Variants in IGF1R observed in about 807,000 individuals in gnomAD.
The protein encoded by IGF1R is insulin like growth factor 1 receptor.
A neutral mutation model predicts 144.6 loss-of-function variants in IGF1R; 44 were observed. That is an observed-to-expected ratio of 0.30 (90% CI 0.24 to 0.39). IGF1R has a LOEUF of 0.39. IGF1R is among the 10% of genes least tolerant of loss of function. The probability of loss-of-function intolerance (pLI) is 1.00; values close to 1 mark genes in which losing one functional copy is unlikely to be tolerated. For missense variants in IGF1R, 1,355 were observed against 1,833.7 expected, an observed-to-expected ratio of 0.74 and a Z score of 4.77; for synonymous variants, 795 against 722.8, an observed-to-expected ratio of 1.10 and a Z score of -1.60.
At position 98,963,651 on chromosome 15, in the gene IGF1R, TCA is replaced by T. The variant is rs1363916886; in HGVS notation, c.*6212_*6213del. The T allele has an allele frequency of 4.3e-6, 1 of 233,170 alleles. No individual in the cohort carries two copies. Among genetic ancestry groups the T allele is most frequent in the African/African-American group, 2.2e-5 (1 of 45,344 alleles). The allele number at this position is 233,170 out of a possible 1,614,324, so 14.4% of individuals were successfully genotyped here. On this transcript the variant is annotated 3_prime_UTR_variant, in exon 21 of 21. Transcript: ENST00000650285. ...ATGATGATTACAGCATACACAGTGA[TCA>T]CATAAACGATGACAGCTATGGGGCA...
Position 98,959,596 on chromosome 15 carries a change from C to G in IGF1R, c.*2154C>G, listed in dbSNP as rs780360107. On this transcript the variant is annotated 3_prime_UTR_variant, in exon 21 of 21. Transcript: ENST00000650285. Reference sequence around the variant, plus strand: ...CAGGGCTGTGGTGCTGGCCCACTTTCCCTCGGCCAGGAATCCAGGTCCTTG... The same window carrying G: ...CAGGGCTGTGGTGCTGGCCCACTTTGCCTCGGCCAGGAATCCAGGTCCTTG... 4.3e-6 allele frequency: 1 copy of G among 233,586 alleles called. No individual in the cohort carries two copies. Among genetic ancestry groups the G allele is most frequent in the Non-Finnish European group, 8.5e-6 (1 of 117,972 alleles). The allele number at this position is 233,586 out of a possible 1,614,324, so 14.5% of individuals were successfully genotyped here. A position where few individuals can be genotyped will look rare whatever the true frequency, so the allele number is the denominator to read the frequency against.
intron 2 of IGF1R, among the ~76,000 whole-genome samples, chr15:98,818,083 C>T (rs552291616): frequency 3.0e-4 from 45 of 152,326 alleles, no homozygotes; most frequent in African/African-American, 1.0e-3. Flanking sequence ...TGATTAAGGA[C>T]ATTAATCCAA....
intron 1 of IGF1R, among the ~76,000 whole-genome samples, chr15:98,677,243 G>T (rs1311245146): frequency 6.6e-6 from 1 of 152,120 alleles, no homozygotes; most frequent in African/African-American, 2.4e-5. Flanking sequence ...GACCTTCCTT[G>T]TTTCTTTTAG....
intron 7 of IGF1R, 32 bp downstream of exon 7, chr15:98,911,473 T>C: frequency 1.9e-6 from 3 of 1,613,928 alleles, no homozygotes; most frequent in Non-Finnish European, 2.5e-6. Context: ...TGCCATTCTG[T>C]TGACAGGGCT....
At chr15:98,664,595 G>GTGGAGGTTGGAGGT (rs370271964) in intron 1 of IGF1R, among the ~76,000 whole-genome samples, 23 of 150,278 alleles carry the variant, frequency 1.5e-4, no homozygotes, top group African/African-American at 5.4e-4. Context: ...AACCTGGGAG[G>GTGGAGGTTGGAGGT]TGGAGGTTGG....
In IGF1R at chr15:98,959,846, G is replaced by A. The variant is rs1044642634; in HGVS notation, c.*2404G>A. 2 of 160,450 alleles carry A rather than the reference G, an allele frequency of 1.2e-5. No homozygotes were observed. The highest frequency in any genetic ancestry group is 6.3e-5 in the African/African-American group (2 of 31,734). The allele number at this position is 160,450 out of a possible 1,614,324, so 9.9% of individuals were successfully genotyped here. A position where few individuals can be genotyped will look rare whatever the true frequency, so the allele number is the denominator to read the frequency against. ...TTCTCTAGTCTCTATCCCATAGCGT[G>A]TTCCCTTTAAAAAAAAAAAAAAGGT... On this transcript the variant is annotated 3_prime_UTR_variant, in exon 21 of 21. Transcript: ENST00000650285.
chr15:98,669,859 G>A (rs1437242577), intron 1 of IGF1R, among the ~76,000 whole-genome samples: 1 of 152,178 alleles, frequency 6.6e-6, no homozygotes, highest in Non-Finnish European at 1.5e-5. Context: ...TTGGTAGATG[G>A]TAGGCCTGCC....
rs367942688 is a variant in IGF1R, at chr15:98,703,829, C to T, written c.95-3733C>T. On this transcript the variant is annotated intron_variant, in intron 1 of 20. Coordinates refer to ENST00000650285, the MANE Select transcript of IGF1R (RefSeq NM_000875.5). ...TTCAGTCTTTGTCTTCATGTTGTTT[C>T]ACTAGGTACTGAATTTTGTGATCTG... 2.6e-5 allele frequency among the ~76,000 whole-genome samples: 4 copies of T among 152,336 alleles called. No individual in the cohort carries two copies. The South Asian group carries it at 8.3e-4, about 32-fold the overall frequency.
At chr15:98,918,429 TG>T (rs2015343789) in intron 10 of IGF1R, among the ~76,000 whole-genome samples, 1 of 152,224 alleles carries the variant, frequency 6.6e-6, no homozygotes, top group Non-Finnish European at 1.5e-5. Context: ...GTGACCTTTT[TG>T]ATATTTGCAA....
In IGF1R at chr15:98,958,782, TTCTGC is replaced by T. The variant is rs1233743346; in HGVS notation, c.*1343_*1347del. 1 of 232,910 alleles carries T rather than the reference TTCTGC, an allele frequency of 4.3e-6. No homozygotes were observed. Among genetic ancestry groups the T allele is most frequent in the Non-Finnish European group, 8.5e-6 (1 of 117,612 alleles). The allele number at this position is 232,910 out of a possible 1,614,324, so 14.4% of individuals were successfully genotyped here. A position where few individuals can be genotyped will look rare whatever the true frequency, so the allele number is the denominator to read the frequency against. ...AACCTTCAGGTCCACCCTCTCCCCTTTCTGCTCACTCCAAGAAACTTCTTATGCTT... is the reference window on the plus strand; with the variant it reads ...AACCTTCAGGTCCACCCTCTCCCCTTTCACTCCAAGAAACTTCTTATGCTT... On this transcript the variant is annotated 3_prime_UTR_variant, in exon 21 of 21. Coordinates refer to ENST00000650285, the MANE Select transcript of IGF1R (RefSeq NM_000875.5).
chr15:98,803,418 GAGTC>G (rs1195966568), intron 2 of IGF1R, among the ~76,000 whole-genome samples: 1 of 152,168 alleles, frequency 6.6e-6, no homozygotes, highest in Non-Finnish European at 1.5e-5. Flanking sequence ...TGCTCTGGGT[GAGTC>G]AGTGAGTCAG....
rs141634389 is a variant in IGF1R, at chr15:98,893,864, A to G, written c.953+2227A>G. On this transcript the variant is annotated intron_variant, in intron 3 of 20. Transcript: ENST00000650285. The stretch of plus-strand genomic sequence containing the variant: ...TAAAAATAAAACACCATAAAGAATA[A>G]TAAATTCCCTTCTCTCAGCCTTTGA... Among the ~76,000 whole-genome samples, 240 of 152,356 alleles carry G rather than the reference A, an allele frequency of 1.6e-3. 3 individuals are homozygous for G. The highest frequency in any genetic ancestry group is 5.6e-3 in the African/African-American group (231 of 41,586).
rs45493995 is a variant in IGF1R, at chr15:98,930,243, G to A, written c.2894G>A (p.Ser965Asn). 2.1e-5 allele frequency: 34 copies of A among 1,612,882 alleles called. No individual in the cohort carries two copies. In the East Asian group the frequency reaches 6.9e-4, roughly 33 times the overall value. ...TTTAATCTTTTTGACAGAAATAACA[G>A]CAGGCTGGGGAATGGAGTGCTGTAT... The part of the protein sequence containing the change: ...LYVFHRKRNN[S>N]RLGNGVLYAS... Residue 965 changes from serine to asparagine, a missense_variant, in exon 15 of 21, where the codon AGC becomes AAC. Coordinates refer to ENST00000650285, the MANE Select transcript of IGF1R (RefSeq NM_000875.5).
Position 98,959,876 on chromosome 15 carries a change from T to C in IGF1R, c.*2434T>C, listed in dbSNP as rs965022172. 3.0e-5 allele frequency: 7 copies of C among 232,370 alleles called. No homozygotes were observed. The highest frequency in any genetic ancestry group is 5.9e-5 in the Non-Finnish European group (7 of 117,884). The allele number at this position is 232,370 out of a possible 1,614,324, so 14.4% of individuals were successfully genotyped here. A position where few individuals can be genotyped will look rare whatever the true frequency, so the allele number is the denominator to read the frequency against. On this transcript the variant is annotated 3_prime_UTR_variant, in exon 21 of 21. Transcript: ENST00000650285. ...CTTTAAAAAAAAAAAAAAGGTATTA[T>C]ATGTAGGAGTTTTCTTTTAATTTAT...
At chr15:98,818,956 G>A (rs937101837) in intron 2 of IGF1R, among the ~76,000 whole-genome samples, 1 of 152,156 alleles carries the variant, frequency 6.6e-6, no homozygotes, top group Non-Finnish European at 1.5e-5. Context: ...AGATACCTCT[G>A]AGACATTTTG....
chr15:98,943,321 G>T (rs2016434003), intron 19 of IGF1R, among the ~76,000 whole-genome samples: 1 of 152,194 alleles, frequency 6.6e-6, no homozygotes, highest in Non-Finnish European at 1.5e-5. Flanking sequence ...GTTTCCAGGA[G>T]GTGGGATGTG....
chr15:98,953,513 G>T (rs2016859316), intron 20 of IGF1R, among the ~76,000 whole-genome samples: 1 of 152,200 alleles, frequency 6.6e-6, no homozygotes, highest in Non-Finnish European at 1.5e-5. Context: ...AGGTCACACA[G>T]ATGAGCCAGG....
At chr15:98,888,909 T>C (rs575511552) in intron 2 of IGF1R, among the ~76,000 whole-genome samples, 2 of 152,350 alleles carry the variant, frequency 1.3e-5, no homozygotes, top group South Asian at 2.1e-4. Flanking sequence ...TTCACCATTC[T>C]TGATGTTTCG....
intron 2 of IGF1R, among the ~76,000 whole-genome samples, chr15:98,845,527 CCCTCCTTCCTCCT>C (rs1259590099): frequency 1.5e-5 from 2 of 137,382 alleles, no homozygotes; most frequent in Non-Finnish European, 3.2e-5. Flanking sequence ...TTCCTCCTCC[CCCTCCTTCCTCCT>C]CCTCCCCCTC....
Sources: allele counts gnomAD v4.1 joint callset (sites outside exome capture counted in the v4.1 genomes callset), GRCh38; gene constraint gnomAD v4.1.1; transcripts MANE v1.5; gene names NCBI Gene and HGNC (gene_info 2026-07-23, HGNC 2026-07-21).